RPRD2: variants seen among roughly 807,000 people sequenced by gnomAD.
The protein encoded by RPRD2 is regulation of nuclear pre-mRNA domain containing 2.
RPRD2 carries 12 observed loss-of-function variants against 104.4 expected under a neutral mutation model. The observed-to-expected ratio is 0.11, with a 90% CI of 0.07 to 0.19. RPRD2 has a LOEUF of 0.19. Ranked by LOEUF, RPRD2 falls within the 10% of genes least tolerant of loss-of-function variation. RPRD2 has a pLI of 1.00. For synonymous variants in RPRD2, 714 were observed against 684.9 expected (o/e 1.04, Z -0.66); for missense variants, 1,543 against 1,790.1 (o/e 0.86, Z 2.49).
chr1:150,456,348 G>A (rs2102402213), intron 7 of RPRD2, among the ~76,000 whole-genome samples: 1 of 152,286 alleles, frequency 6.6e-6, no homozygotes, highest in South Asian at 2.1e-4. Flanking sequence ...CAACTGTGTG[G>A]ATGGTAATAT....
chr1:150,420,943 G>A (rs965484255), intron 2 of RPRD2, among the ~76,000 whole-genome samples: 1 of 152,122 alleles, frequency 6.6e-6, no homozygotes, highest in Non-Finnish European at 1.5e-5. Context: ...TTCTGTAAAG[G>A]GTCGATAGTT....
intron 9 of RPRD2, among the ~76,000 whole-genome samples, chr1:150,460,888 G>A (rs1667889946): frequency 6.7e-6 from 1 of 148,258 alleles, no homozygotes; most frequent in African/African-American, 2.5e-5. Flanking sequence ...ACCATGCCCA[G>A]CTAATTTTGT....
rs1247503799 is a variant in RPRD2 at position 150,471,179 on chromosome 1, C to G, written c.2231C>G (p.Ser744Cys). ...TQDEMMDKPT[S>C]SSVDTMSLLS... ...GATGAGATGATGGACAAGCCCACAT[C>G]CAGCAGTGTAGATACTATGTCCCTG... The change falls in exon 11 of 11, where the codon TCC (serine) becomes TGC (cysteine). Residue 744 changes from serine (S) to cysteine (C), a missense_variant. Ser to Cys is a moderately radical substitution (Grantham distance 112, BLOSUM62 -1). Coordinates refer to ENST00000369068, the MANE Select transcript of RPRD2 (RefSeq NM_015203.5). The surrounding 1 kb of genome is among the most constrained non-coding windows in gnomAD (Gnocchi z 5.3). 2 of 1,613,782 alleles carry G rather than the reference C, an allele frequency of 1.2e-6. No homozygotes were observed. Among genetic ancestry groups the G allele is most frequent in the Non-Finnish European group, 1.7e-6 (2 of 1,179,882 alleles).
intron 1 of RPRD2, among the ~76,000 whole-genome samples, chr1:150,398,570 G>A (rs1467900510): frequency 6.7e-6 from 1 of 149,082 alleles, no homozygotes; most frequent in Non-Finnish European, 1.5e-5. Context: ...TTCTGACAGA[G>A]TCTCACTCTG....
intron 2 of RPRD2, among the ~76,000 whole-genome samples, chr1:150,424,459 T>G (rs1553890240): frequency 1.3e-5 from 2 of 152,126 alleles, no homozygotes. Context: ...AGCTAATTTT[T>G]GTATTTTTAG....
At chr1:150,395,730 C>G (rs1302471972) in intron 1 of RPRD2, among the ~76,000 whole-genome samples, 5 of 152,022 alleles carry the variant, frequency 3.3e-5, no homozygotes, top group African/African-American at 1.2e-4. Context: ...AGGCTGGTCT[C>G]GAACTCCTGA....
chr1:150,372,488 A>C (rs868939738), intron 1 of RPRD2, among the ~76,000 whole-genome samples: 1 of 83,794 alleles, frequency 1.2e-5, no homozygotes, highest in South Asian at 3.1e-4. Flanking sequence ...TGAAAAAAGA[A>C]ACACACACAC....
At chr1:150,430,097 A>C (rs587626423) in intron 2 of RPRD2, among the ~76,000 whole-genome samples, 2 of 152,318 alleles carry the variant, frequency 1.3e-5, no homozygotes, top group South Asian at 4.1e-4. Context: ...TCACAGTGAA[A>C]GATCTCTGAA....
chr1:150,441,426 G>A (rs1486250747), intron 3 of RPRD2: 1 of 197,310 alleles, frequency 5.1e-6, no homozygotes, highest in African/African-American at 2.4e-5. Flanking sequence ...TATATCAGCA[G>A]TCTTTAGACT....
At chr1:150,418,923 A>G (rs1414407748) in intron 2 of RPRD2, among the ~76,000 whole-genome samples, 1 of 152,108 alleles carries the variant, frequency 6.6e-6, no homozygotes, top group Non-Finnish European at 1.5e-5. Context: ...GAGGCAGGAG[A>G]ATGGCTTGAA....
At chr1:150,452,141 CAAAAAAAAA>C (rs34342843) in intron 7 of RPRD2, among the ~76,000 whole-genome samples, 1 of 110,952 alleles carries the variant, frequency 9.0e-6, no homozygotes, top group African/African-American at 3.3e-5. Flanking sequence ...GACTCTGTCT[CAAAAAAAAA>C]AAAAAAAAAG....
At chr1:150,429,546 G>A (rs1473772567) in intron 2 of RPRD2, among the ~76,000 whole-genome samples, 1 of 152,030 alleles carries the variant, frequency 6.6e-6, no homozygotes, top group African/African-American at 2.4e-5. Flanking sequence ...GTAAAGGCAA[G>A]GTTTCACCAT....
intron 2 of RPRD2, among the ~76,000 whole-genome samples, chr1:150,433,439 ATTTTTTTTTTT>A (rs58544799): frequency 2.2e-5 from 2 of 90,396 alleles, no homozygotes; most frequent in Admixed American, 2.9e-4. Flanking sequence ...CACAGACATA[ATTTTTTTTTTT>A]TTTTTTTTTT....
chr1:150,429,633 C>A (rs1447126920), intron 2 of RPRD2, among the ~76,000 whole-genome samples: 1 of 151,876 alleles, frequency 6.6e-6, no homozygotes, highest in Non-Finnish European at 1.5e-5. Flanking sequence ...AGGCCTTTCT[C>A]AAAAAAAGAA....
intron 2 of RPRD2, among the ~76,000 whole-genome samples, chr1:150,435,908 C>T (rs974659946): frequency 1.3e-5 from 2 of 152,248 alleles, no homozygotes; most frequent in African/African-American, 4.8e-5. Context: ...AAAGCACAGG[C>T]TGACTCTCTT....
chr1:150,383,073 G>C (rs1661259367), intron 1 of RPRD2, among the ~76,000 whole-genome samples: 1 of 151,958 alleles, frequency 6.6e-6, no homozygotes, highest in Non-Finnish European at 1.5e-5. Flanking sequence ...GCTCACTGCA[G>C]CCTTGACATC....
chr1:150,386,848 A>G (rs1661602523), intron 1 of RPRD2, among the ~76,000 whole-genome samples: 1 of 152,186 alleles, frequency 6.6e-6, no homozygotes, highest in Non-Finnish European at 1.5e-5. Context: ...TGGCTACAAA[A>G]TTATTACAGT....
intron 1 of RPRD2, among the ~76,000 whole-genome samples, chr1:150,370,888 A>T (rs587742617): frequency 1.3e-5 from 2 of 152,152 alleles, no homozygotes; most frequent in Non-Finnish European, 2.9e-5. Flanking sequence ...GCTATTTTTC[A>T]TAGAAACTTT....
intron 10 of RPRD2, among the ~76,000 whole-genome samples, chr1:150,468,649 G>A (rs1264106332): frequency 8.5e-5 from 13 of 152,158 alleles, no homozygotes; most frequent in Admixed American, 8.5e-4. Flanking sequence ...GGCTGAAGTG[G>A]GACAATCACT....
Sources: allele counts gnomAD v4.1 joint callset (sites outside exome capture counted in the v4.1 genomes callset), GRCh38; gene constraint gnomAD v4.1.1; non-coding constraint Gnocchi (gnomAD v3.1); transcripts MANE v1.5; gene names NCBI Gene and HGNC (gene_info 2026-07-23, HGNC 2026-07-21).